The following ULK4 variants were observed in gnomAD, a reference collection of about 807,000 sequenced individuals.
The protein encoded by ULK4 is unc-51 like kinase 4, also known as inactive serine/threonine-protein kinase ULK4.
ULK4 carries 133 observed loss-of-function variants against 160.6 expected under a neutral mutation model. The observed-to-expected ratio is 0.83, with a 90% CI of 0.72 to 0.96. The LOEUF (loss-of-function observed/expected upper bound fraction) is 0.96, where lower values mean the gene tolerates loss of function less well. ULK4 is among the 40% of genes least tolerant of loss of function. ULK4 has a pLI of 0.00. For missense variants in ULK4, 1,580 were observed against 1,499.5 expected, an observed-to-expected ratio of 1.05 and a Z score of -0.89; for synonymous variants, 534 against 539.8, an observed-to-expected ratio of 0.99 and a Z score of 0.15.
intron 21 of ULK4, among the ~76,000 whole-genome samples, chr3:41,772,282 C>G (rs1390592929): frequency 6.6e-6 from 1 of 152,058 alleles, no homozygotes; most frequent in Non-Finnish European, 1.5e-5. Flanking sequence ...AATCCAGGAG[C>G]TGGTTTTTTG....
chr3:41,511,206 C>T (rs148609458), intron 32 of ULK4, among the ~76,000 whole-genome samples: 199 of 150,332 alleles, frequency 1.3e-3, no homozygotes, highest in African/African-American at 4.4e-3. Flanking sequence ...CACAAACAGA[C>T]GCTCTAAGGT....
chr3:41,279,477 T>C (rs1382343929), intron 35 of ULK4, among the ~76,000 whole-genome samples: 1 of 152,016 alleles, frequency 6.6e-6, no homozygotes, highest in Non-Finnish European at 1.5e-5. Flanking sequence ...AAGATACTCC[T>C]TGAGAAGAGC....
At chr3:41,485,133 G>A (rs752410369) in intron 32 of ULK4, among the ~76,000 whole-genome samples, 1 of 152,172 alleles carries the variant, frequency 6.6e-6, no homozygotes, top group Non-Finnish European at 1.5e-5. Context: ...TGACGAAACT[G>A]AGACTCAGGA....
chr3:41,933,232 G>T (rs78485375), intron 4 of ULK4, among the ~76,000 whole-genome samples: 366 of 152,270 alleles, frequency 2.4e-3, no homozygotes, highest in African/African-American at 7.9e-3. Flanking sequence ...AACAGGTCTG[G>T]ATGGGGCCCA....
intron 1 of ULK4, among the ~76,000 whole-genome samples, chr3:41,958,224 A>G (rs1316502130): frequency 1.3e-5 from 2 of 152,186 alleles, no homozygotes; most frequent in Non-Finnish European, 2.9e-5. Flanking sequence ...CCGCTGATAC[A>G]TGGATAAGCA....
At chr3:41,697,317 A>C (rs2036535121) in intron 27 of ULK4, among the ~76,000 whole-genome samples, 1 of 152,184 alleles carries the variant, frequency 6.6e-6, no homozygotes, top group Non-Finnish European at 1.5e-5. Context: ...TTGCTTACTG[A>C]CAATGTCTTG....
chr3:41,300,355 C>T, intron 35 of ULK4, among the ~76,000 whole-genome samples: 1 of 152,096 alleles, frequency 6.6e-6, no homozygotes, highest in East Asian at 1.9e-4. Context: ...TGGGTATTTG[C>T]TTTTCTAAAA....
chr3:41,399,051 C>T (rs1457509921), intron 34 of ULK4, among the ~76,000 whole-genome samples: 3 of 152,158 alleles, frequency 2.0e-5, no homozygotes, highest in Non-Finnish European at 4.4e-5. Context: ...ACTTTACCTA[C>T]TGACCCGCTT....
chr3:41,455,364 ATCT>A, intron 34 of ULK4, 130 bp downstream of exon 34: 1 of 771,750 alleles, frequency 1.3e-6, no homozygotes, highest in East Asian at 2.8e-5. Flanking sequence ...AGGCCAAATA[ATCT>A]TCTGAAAGTT....
intron 31 of ULK4, among the ~76,000 whole-genome samples, chr3:41,604,459 A>G (rs547898137): frequency 3.3e-5 from 5 of 152,292 alleles, no homozygotes; most frequent in Admixed American, 1.3e-4. Flanking sequence ...CTTATGTGAC[A>G]CATATAGAGC....
intron 34 of ULK4, among the ~76,000 whole-genome samples, chr3:41,411,401 A>G (rs1450881880): frequency 2.0e-5 from 3 of 151,396 alleles, no homozygotes; most frequent in Admixed American, 2.0e-4. Flanking sequence ...ACCTCTTATC[A>G]TAATCCAGAC....
chr3:41,535,387 T>C (rs1468694678), intron 32 of ULK4, among the ~76,000 whole-genome samples: 2 of 152,214 alleles, frequency 1.3e-5, no homozygotes, highest in African/African-American at 4.8e-5. Context: ...AGGATGAAAG[T>C]CAGTTTGACA....
intron 32 of ULK4, among the ~76,000 whole-genome samples, chr3:41,493,237 C>T (rs1312500060): frequency 1.4e-5 from 2 of 145,928 alleles, no homozygotes; most frequent in Non-Finnish European, 3.0e-5. Context: ...TCTCTCAGAC[C>T]ACAGTGCAAT....
chr3:41,724,743 T>C (rs1468418165), intron 22 of ULK4, among the ~76,000 whole-genome samples: 1 of 151,754 alleles, frequency 6.6e-6, no homozygotes, highest in East Asian at 1.9e-4. Flanking sequence ...AAAAAAAAAA[T>C]TCCAGTTTTT....
intron 32 of ULK4, among the ~76,000 whole-genome samples, chr3:41,529,293 TA>T (rs1459531222): frequency 6.6e-6 from 1 of 152,240 alleles, no homozygotes; most frequent in Non-Finnish European, 1.5e-5. Flanking sequence ...ACTCCTAAAT[TA>T]AACTTACTCT....
intron 17 of ULK4, among the ~76,000 whole-genome samples, chr3:41,862,412 AG>A (rs1263693388): frequency 1.3e-5 from 2 of 151,752 alleles, no homozygotes; most frequent in Non-Finnish European, 2.9e-5. Flanking sequence ...TTATTTATAA[AG>A]TTCATTGGTG....
At chr3:41,767,703 G>C (rs2039213771) in intron 21 of ULK4, among the ~76,000 whole-genome samples, 1 of 152,134 alleles carries the variant, frequency 6.6e-6, no homozygotes, top group African/African-American at 2.4e-5. Context: ...TGTTGGAATG[G>C]TCATAGGTAA....
At chr3:41,932,606 T>C (rs529982706) in intron 4 of ULK4, among the ~76,000 whole-genome samples, 1 of 152,242 alleles carries the variant, frequency 6.6e-6, no homozygotes, top group Admixed American at 6.5e-5. Flanking sequence ...TGACAAGTGC[T>C]CAAGTCTGCT....
chr3:41,532,268 T>C (rs1317296343), intron 32 of ULK4, among the ~76,000 whole-genome samples: 1 of 152,350 alleles, frequency 6.6e-6, no homozygotes, highest in East Asian at 1.9e-4. Flanking sequence ...CTTGCTGTTC[T>C]CTTCCCCTGG....
Sources: gnomAD v4.1 joint callset for allele counts (sites outside exome capture counted in the v4.1 genomes callset) on GRCh38, gnomAD v4.1.1 for gene constraint, MANE v1.5 for transcripts, NCBI Gene and HGNC (gene_info 2026-07-23, HGNC 2026-07-21) for gene names.